CAMK2G: variants seen among roughly 807,000 people sequenced by gnomAD.
CAMK2G encodes the protein calcium/calmodulin-dependent protein kinase type II subunit gamma.
A neutral mutation model predicts 88.7 loss-of-function variants in CAMK2G; 23 were observed. The ratio of observed to expected loss-of-function variants is 0.26; its 90% CI spans 0.19 to 0.37. CAMK2G has a LOEUF of 0.37. Ranked by LOEUF, CAMK2G falls within the 10% of genes least tolerant of loss-of-function variation. The pLI, the probability that CAMK2G is intolerant of heterozygous loss-of-function variation, is 1.00. For synonymous variants in CAMK2G, 263 were observed against 294.8 expected (o/e 0.89, Z 1.11); for missense variants, 476 against 780.8 (o/e 0.61, Z 4.65).
At position 73,812,592 on chromosome 10, in the gene CAMK2G, C is replaced by T. The variant is rs1311543180; in HGVS notation, c.*1926G>A. Reference sequence around the variant, plus strand: ...GGTCTACCAACATTCAGAACAAACACTATTTTTAAATTATTTCTATGTTGT... The same window carrying T: ...GGTCTACCAACATTCAGAACAAACATTATTTTTAAATTATTTCTATGTTGT... On this transcript the variant is annotated 3_prime_UTR_variant, in exon 23 of 23. Transcript: ENST00000423381. 1 of 152,642 alleles carries T rather than the reference C, an allele frequency of 6.6e-6. No homozygotes were observed. Among genetic ancestry groups the T allele is most frequent in the African/African-American group, 2.4e-5 (1 of 41,464 alleles). The allele number at this position is 152,642 out of a possible 1,614,324, so 9.5% of individuals were successfully genotyped here.
At chr10:73,862,183 C>T (rs1390925061) in intron 2 of CAMK2G, among the ~76,000 whole-genome samples, 1 of 151,868 alleles carries the variant, frequency 6.6e-6, no homozygotes, top group Non-Finnish European at 1.5e-5. Flanking sequence ...GGCCTCACAG[C>T]CCTCCCCCAC....
intron 14 of CAMK2G, among the ~76,000 whole-genome samples, chr10:73,834,348 C>T (rs2092942411): frequency 6.6e-6 from 1 of 152,198 alleles, no homozygotes; most frequent in African/African-American, 2.4e-5. Context: ...CTCTGGTTCC[C>T]ACCATGATAT....
intron 12 of CAMK2G, chr10:73,841,925 G>T: frequency 1.8e-6 from 1 of 541,490 alleles, no homozygotes. Context: ...AAGGTACATA[G>T]CAAGTTGGGC....
chr10:73,852,795 G>A (rs1407423169), intron 4 of CAMK2G: 3 of 250,784 alleles, frequency 1.2e-5, no homozygotes, highest in East Asian at 1.1e-4. Context: ...CACAACCAAC[G>A]TGGAGGAGAG....
At chr10:73,828,208 T>C (rs915330737) in intron 14 of CAMK2G, 87 bp from the exon 15 acceptor site, 25 of 1,082,096 alleles carry the variant, frequency 2.3e-5, no homozygotes, top group Non-Finnish European at 3.1e-5. Context: ...AGCGCACCAG[T>C]GTGGGCTCTG....
At chr10:73,862,790 G>A (rs1483456823) in intron 2 of CAMK2G, among the ~76,000 whole-genome samples, 1 of 152,212 alleles carries the variant, frequency 6.6e-6, no homozygotes, top group Middle Eastern at 3.2e-3. Flanking sequence ...GAATTATCCA[G>A]GCCCGGGCAG....
intron 19 of CAMK2G, 147 bp downstream of exon 19, chr10:73,819,385 C>G (rs933583176): frequency 3.0e-6 from 2 of 660,152 alleles, no homozygotes. Flanking sequence ...CACCTCCAGT[C>G]TACCCCCCAC....
At chr10:73,873,714 T>C (rs1452770493) in intron 1 of CAMK2G, among the ~76,000 whole-genome samples, 1 of 111,354 alleles carries the variant, frequency 9.0e-6, no homozygotes, top group African/African-American at 3.4e-5. Context: ...CTCTGAGCTC[T>C]GGAAACGTCT....
At position 73,842,420 on chromosome 10, in the gene CAMK2G, G is replaced by A. The variant is rs753513579; in HGVS notation, c.903+38C>T. 23 of 1,463,070 alleles carry A rather than the reference G, an allele frequency of 1.6e-5. No individual in the cohort carries two copies. The highest frequency in any genetic ancestry group is 1.8e-5 in the Non-Finnish European group (19 of 1,042,246). The allele number at this position is 1,463,070 out of a possible 1,614,324, so 90.6% of individuals were successfully genotyped here. A position where few individuals can be genotyped will look rare whatever the true frequency, so the allele number is the denominator to read the frequency against. ...CAGGAGCCACACTGGTGCAAGGCATGATGTCAAGGAGGCTGGCAGCCTAGA... is the reference window on the plus strand; with the variant it reads ...CAGGAGCCACACTGGTGCAAGGCATAATGTCAAGGAGGCTGGCAGCCTAGA... On this transcript the variant is annotated intron_variant, in intron 11 of 22. Transcript: ENST00000423381. The surrounding 1 kb of genome is among the most constrained non-coding windows in gnomAD (Gnocchi z 4.6).
chr10:73,825,378 T>A, intron 15 of CAMK2G, 31 bp from the exon 16 acceptor site: 1 of 1,579,622 alleles, frequency 6.3e-7, no homozygotes, highest in Non-Finnish European at 8.7e-7. Context: ...GTTTAGTTCC[T>A]CCAGAGTCCC....
chr10:73,849,008 C>G lies in CAMK2G; in HGVS notation c.517+5G>C, dbSNP rs752187023. On this transcript the variant is annotated splice_donor_5th_base_variant and intron_variant, in intron 7 of 22. Transcript: ENST00000423381. ...TGCATTCCGGGAAGACAGGATCACC[C>G]TTACCAAACCAAGCCTGCTGCTCTC... The G allele has an allele frequency of 1.3e-6, 2 of 1,586,442 alleles. No individual in the cohort carries two copies. Among genetic ancestry groups the G allele is most frequent in the Non-Finnish European group, 1.7e-6 (2 of 1,154,858 alleles).
rs375974435 is a variant in CAMK2G, at chr10:73,872,979, G to C, written c.160+10C>G. The C allele has an allele frequency of 5.7e-6, 9 of 1,580,250 alleles. No individual in the cohort carries two copies. The highest frequency in any genetic ancestry group is 6.1e-6 in the Non-Finnish European group (7 of 1,148,850). On this transcript the variant is annotated intron_variant, in intron 2 of 22. Transcript: ENST00000423381. ...ACCCTCAGGAAGAGGTCAAGACAGG[G>C]AACACTCACCCCGGGCAGACAACTT... is the stretch of plus-strand genomic sequence containing the variant.
chr10:73,864,152 C>T (rs964172324), intron 2 of CAMK2G, among the ~76,000 whole-genome samples: 1 of 152,114 alleles, frequency 6.6e-6, no homozygotes, highest in African/African-American at 2.4e-5. Flanking sequence ...GAGTTCAAGA[C>T]CAGCCTGGCC....
rs2084628440 is a variant in CAMK2G at position 73,813,442 on chromosome 10, A to C, written c.*1076T>G. 1 of 152,706 alleles carries C rather than the reference A, an allele frequency of 6.5e-6. No individual in the cohort carries two copies. Among genetic ancestry groups the C allele is most frequent in the South Asian group, 2.1e-4 (1 of 4,830 alleles). The allele number at this position is 152,706 out of a possible 1,614,324, so 9.5% of individuals were successfully genotyped here. ...GGGAGGCAGCCCCAAAGGCAGCCTGAATGCATAGAAACGACCACCACCTCT... is the reference window on the plus strand; with the variant it reads ...GGGAGGCAGCCCCAAAGGCAGCCTGCATGCATAGAAACGACCACCACCTCT... On this transcript the variant is annotated 3_prime_UTR_variant, in exon 23 of 23. Transcript: ENST00000423381.
Position 73,839,705 on chromosome 10 carries a change from G to A in CAMK2G, c.947-104C>T, listed in dbSNP as rs1383167489. ...GGCGCAGCCCAGGCGGCGTGGCCAA[G>A]CCAGCCGAGCTGGGGGAGCGGAGCG... On this transcript the variant is annotated intron_variant, in intron 12 of 22. Transcript: ENST00000423381. The surrounding 1 kb of genome is among the most constrained non-coding windows in gnomAD (Gnocchi z 4.2). The A allele has an allele frequency of 3.1e-6, 2 of 640,174 alleles. No individual in the cohort carries two copies. The highest frequency in any genetic ancestry group is 4.5e-6 in the Non-Finnish European group (2 of 447,960). 39.7% of individuals were successfully genotyped at this position (640,174 alleles called of 1,614,324 possible). A position where few individuals can be genotyped will look rare whatever the true frequency, so the allele number is the denominator to read the frequency against.
At position 73,814,350 on chromosome 10, in the gene CAMK2G, G is replaced by A. The variant is rs1315173857; in HGVS notation, c.*168C>T. On this transcript the variant is annotated 3_prime_UTR_variant, in exon 23 of 23. Coordinates refer to ENST00000423381, the MANE Select transcript of CAMK2G (RefSeq NM_001367534.1). ...CAGCAGAGACAGACACGAAGGGCGG[G>A]CGGGAGGGCTGCATGCAGGGGCGTG... 2 of 151,208 alleles carry A rather than the reference G, an allele frequency of 1.3e-5. No homozygotes were observed. The highest frequency in any genetic ancestry group is 6.6e-5 in the Admixed American group (1 of 15,154). The allele number at this position is 151,208 out of a possible 1,614,324, so 9.4% of individuals were successfully genotyped here.
chr10:73,873,728 G>A (rs1369703977), intron 1 of CAMK2G, among the ~76,000 whole-genome samples: 1 of 134,400 alleles, frequency 7.4e-6, no homozygotes, highest in Non-Finnish European at 1.6e-5. Flanking sequence ...AACGTCTGGG[G>A]GGGCGGGCGG....
At chr10:73,837,033 G>A (rs1321922813) in intron 14 of CAMK2G, 2 of 186,712 alleles carry the variant, frequency 1.1e-5, no homozygotes, top group Non-Finnish European at 2.3e-5. Flanking sequence ...AGACCAAAAG[G>A]AGAGTGGTTT....
rs191259749 is a variant in CAMK2G, at chr10:73,842,091, C to T, written c.946+78G>A. The T allele has an allele frequency of 2.9e-3, 3,327 of 1,166,130 alleles. 12 individuals are homozygous for T. The highest frequency in any genetic ancestry group is 3.8e-3 in the Non-Finnish European group (2,940 of 771,642). 72.2% of individuals were successfully genotyped at this position (1,166,130 alleles called of 1,614,324 possible). ...GGCCCAGGACGCCGAGGAAACCCAG[C>T]GGTGCCCGGGATGGCAACAGCCCAT... On this transcript the variant is annotated intron_variant, in intron 12 of 22. Coordinates refer to ENST00000423381, the MANE Select transcript of CAMK2G (RefSeq NM_001367534.1). This position sits in a 1 kb window ranked among gnomAD's most constrained non-coding sequence, Gnocchi z 4.6.
Sources: gnomAD v4.1 joint callset for allele counts (sites outside exome capture counted in the v4.1 genomes callset) on GRCh38, gnomAD v4.1.1 for gene constraint, Gnocchi (gnomAD v3.1) non-coding constraint, MANE v1.5 for transcripts, NCBI Gene and HGNC (gene_info 2026-07-23, HGNC 2026-07-21) for gene names.